PCDHGB1: variants seen among roughly 807,000 people sequenced by gnomAD.
The protein encoded by PCDHGB1 is protocadherin gamma subfamily B, 1, also known as protocadherin gamma-B1.
PCDHGB1 carries 34 observed loss-of-function variants against 56.6 expected under a neutral mutation model. The ratio of observed to expected loss-of-function variants is 0.60; its 90% confidence interval spans 0.46 to 0.80. The LOEUF (loss-of-function observed/expected upper bound fraction) is 0.80, where lower values mean the gene tolerates loss of function less well. Among genes scored for constraint, PCDHGB1 ranks in the 30% least tolerant of loss-of-function variants. The pLI, the probability that PCDHGB1 is intolerant of heterozygous loss-of-function variation, is 0.00. For synonymous variants in PCDHGB1, 561 were observed against 505.9 expected (o/e 1.11, Z -1.46); for missense variants, 1,278 against 1,204.6 (o/e 1.06, Z -0.90).
In PCDHGB1 at chr5:141,358,705, T is replaced by G. The variant is rs1488678526; in HGVS notation, c.2409+6036T>G. On this transcript the variant is annotated intron_variant, in intron 1 of 3. Transcript: ENST00000523390. Reference sequence around the variant, plus strand: ...TATCATGACATCACTATTGAGACTTTCTTGATTTCCAAGGAAAATATAAGT... The same window carrying G: ...TATCATGACATCACTATTGAGACTTGCTTGATTTCCAAGGAAAATATAAGT... Among the ~76,000 whole-genome samples, 3 of 152,360 alleles carry G rather than the reference T, an allele frequency of 2.0e-5. No individual in the cohort carries two copies. In the East Asian group the frequency reaches 5.8e-4, roughly 29 times the overall value.
intron 1 of PCDHGB1, chr5:141,419,779 GCGCCTGCTAGT>G: frequency 6.2e-7 from 1 of 1,614,064 alleles, no homozygotes; most frequent in Non-Finnish European, 8.5e-7. Flanking sequence ...CGGTCCGCCA[GCGCCTGCTAGT>G]CGCTGTAAGA....
intron 1 of PCDHGB1, chr5:141,478,541 G>T (rs905837179): frequency 1.2e-6 from 2 of 1,605,590 alleles, no homozygotes; most frequent in Non-Finnish European, 1.7e-6. Flanking sequence ...CGCCCCTCCC[G>T]GACAGGTAAG....
chr5:141,408,743 A>G (rs764671808), intron 1 of PCDHGB1: 13 of 1,610,030 alleles, frequency 8.1e-6, no homozygotes, highest in African/African-American at 2.7e-5. Flanking sequence ...TTTTTCATTA[A>G]TGGTTAGAGT....
rs568542355 is a variant in PCDHGB1, at chr5:141,431,678, T to C, written c.2410-63129T>C. 4 of 1,614,084 alleles carry C rather than the reference T, an allele frequency of 2.5e-6. No individual in the cohort carries two copies. Among genetic ancestry groups the C allele is most frequent in the African/African-American group, 2.7e-5 (2 of 75,012 alleles). ...AGGGACAATATCAACAATAGGGGAG[T>C]TGGACCACGAGGAGTCAGGATTCTA... On this transcript the variant is annotated intron_variant, in intron 1 of 3. Transcript: ENST00000523390. The surrounding 1 kb of genome is among the most constrained non-coding windows in gnomAD (Gnocchi z 4.8).
At chr5:141,357,413 C>T (rs374712311) in intron 1 of PCDHGB1, 2 of 1,614,250 alleles carry the variant, frequency 1.2e-6, no homozygotes, top group East Asian at 2.2e-5. Context: ...GTGCCTGCCT[C>T]GCACTTTGTG....
Position 141,375,274 on chromosome 5 carries a change from A to C in PCDHGB1, c.2409+22605A>C, listed in dbSNP as rs773661979. On this transcript the variant is annotated intron_variant, in intron 1 of 3. Transcript: ENST00000523390. ...GTCTCCCATTTGAATTGGAAAAATC[A>C]GTTGGCAATTATTATCGATTAGTGA... 9 of 1,613,898 alleles carry C rather than the reference A, an allele frequency of 5.6e-6. No individual in the cohort carries two copies. In the East Asian group the frequency reaches 2.0e-4, roughly 36 times the overall value.
rs546656566 is a variant in PCDHGB1, at chr5:141,389,499, G to C, written c.2409+36830G>C. 10 of 1,613,058 alleles carry C rather than the reference G, an allele frequency of 6.2e-6. No homozygotes were observed. The African/African-American group carries it at 1.1e-4, about 17-fold the overall frequency. On this transcript the variant is annotated intron_variant, in intron 1 of 3. Coordinates refer to ENST00000523390, the MANE Select transcript of PCDHGB1 (RefSeq NM_018922.3). ...GCAGGCCCGCGACCAGGGCTCGCCA[G>C]CGCTCAGCGCGAACGTGAGCCTGCG... is the stretch of plus-strand genomic sequence containing the variant.
chr5:141,404,764 C>A lies in PCDHGB1; in HGVS notation c.2409+52095C>A, dbSNP rs371618979. 152 of 1,613,920 alleles carry A rather than the reference C, an allele frequency of 9.4e-5. 1 individual carries two copies. In the African/African-American group the frequency reaches 1.6e-3, roughly 17 times the overall value. ...GAGACTCAGGCCAGAATGCTTGGCT[C>A]TCCTACCGCCTATTCAAGGCCAGTG... On this transcript the variant is annotated intron_variant, in intron 1 of 3. Coordinates refer to ENST00000523390, the MANE Select transcript of PCDHGB1 (RefSeq NM_018922.3).
chr5:141,487,533 T>C lies in PCDHGB1; in HGVS notation c.2410-7274T>C. On this transcript the variant is annotated intron_variant, in intron 1 of 3. Coordinates refer to ENST00000523390, the MANE Select transcript of PCDHGB1 (RefSeq NM_018922.3). This position sits in a 1 kb window ranked among gnomAD's most constrained non-coding sequence, Gnocchi z 5.0. The stretch of plus-strand genomic sequence containing the variant: ...CCCACTCGGAGTGATAGCTTCATGA[T>C]GGTGAAGTCACCCAGTGCACCTATG... 6.2e-7 allele frequency: 1 copy of C among 1,614,186 alleles called. No individual in the cohort carries two copies. Among genetic ancestry groups the C allele is most frequent in the South Asian group, 1.1e-5 (1 of 91,080 alleles).
At position 141,489,577 on chromosome 5, in the gene PCDHGB1, C is replaced by A. The variant is rs918238376; in HGVS notation, c.2410-5230C>A. The stretch of plus-strand genomic sequence containing the variant: ...GCCAGTGCAGGTGGTGACTGAACAC[C>A]CCCTGGAGCTAATCCGTGTAGAGGT... On this transcript the variant is annotated intron_variant, in intron 1 of 3. Coordinates refer to ENST00000523390, the MANE Select transcript of PCDHGB1 (RefSeq NM_018922.3). This position sits in a 1 kb window ranked among gnomAD's most constrained non-coding sequence, Gnocchi z 4.5. The A allele has an allele frequency of 6.2e-7, 1 of 1,613,894 alleles. No individual in the cohort carries two copies. The highest frequency in any genetic ancestry group is 8.5e-7 in the Non-Finnish European group (1 of 1,180,000).
chr5:141,414,378 C>T lies in PCDHGB1; in HGVS notation c.2409+61709C>T, dbSNP rs958748519. ...ATCTACCATTTAAATTAGAAAAGTC[C>T]ATTGACAGTTATTACAGATTGGTGA... On this transcript the variant is annotated intron_variant, in intron 1 of 3. Coordinates refer to ENST00000523390, the MANE Select transcript of PCDHGB1 (RefSeq NM_018922.3). 3.1e-6 allele frequency: 5 copies of T among 1,613,736 alleles called. No individual in the cohort carries two copies. In the African/African-American group the frequency reaches 5.3e-5, roughly 17 times the overall value.
chr5:141,496,081 C>A (rs976166091), intron 2 of PCDHGB1, among the ~76,000 whole-genome samples: 1 of 152,060 alleles, frequency 6.6e-6, no homozygotes, highest in Non-Finnish European at 1.5e-5. Flanking sequence ...CACAACCCCC[C>A]ACCCACCACC....
Position 141,431,601 on chromosome 5 carries a change from T to G in PCDHGB1, c.2410-63206T>G. 1 of 1,614,202 alleles carries G rather than the reference T, an allele frequency of 6.2e-7. No homozygotes were observed. Among genetic ancestry groups the G allele is most frequent in the Non-Finnish European group, 8.5e-7 (1 of 1,180,032 alleles). On this transcript the variant is annotated intron_variant, in intron 1 of 3. Transcript: ENST00000523390. The surrounding 1 kb of genome is among the most constrained non-coding windows in gnomAD (Gnocchi z 4.8). Reference sequence around the variant, plus strand: ...GTCAATGCGGAAGTGAGGTATTCCTTCCGGTATGTGGACGACAAGGCGGCC... The same window carrying G: ...GTCAATGCGGAAGTGAGGTATTCCTGCCGGTATGTGGACGACAAGGCGGCC...
In PCDHGB1 at chr5:141,431,059, C is replaced by G. The variant is rs367774626; in HGVS notation, c.2410-63748C>G. ...GGGAGGAGCTCTGTATGGGGGCCAT[C>G]AAGTGTCAATTAAATCTAGACATTC... On this transcript the variant is annotated intron_variant, in intron 1 of 3. Coordinates refer to ENST00000523390, the MANE Select transcript of PCDHGB1 (RefSeq NM_018922.3). This position sits in a 1 kb window ranked among gnomAD's most constrained non-coding sequence, Gnocchi z 4.8. 1 of 1,614,136 alleles carries G rather than the reference C, an allele frequency of 6.2e-7. No individual in the cohort carries two copies.
rs1231591874 is a variant in PCDHGB1 at position 141,431,615 on chromosome 5, G to T, written c.2410-63192G>T. The T allele has an allele frequency of 3.1e-6, 5 of 1,614,118 alleles. No homozygotes were observed. Among genetic ancestry groups the T allele is most frequent in the African/African-American group, 2.7e-5 (2 of 74,950 alleles). On this transcript the variant is annotated intron_variant, in intron 1 of 3. Transcript: ENST00000523390. The surrounding 1 kb of genome is among the most constrained non-coding windows in gnomAD (Gnocchi z 4.8). Reference sequence around the variant, plus strand: ...GAGGTATTCCTTCCGGTATGTGGACGACAAGGCGGCCCAAGTTTTCAAACT... The same window carrying T: ...GAGGTATTCCTTCCGGTATGTGGACTACAAGGCGGCCCAAGTTTTCAAACT...
At chr5:141,404,233 AG>A (rs2094501302) in intron 1 of PCDHGB1, 1 of 1,613,628 alleles carries the variant, frequency 6.2e-7, no homozygotes, top group African/African-American at 1.3e-5. Flanking sequence ...CAACAGACAG[AG>A]GAACTCCGCC....
At chr5:141,398,993 G>A (rs1438560245) in intron 1 of PCDHGB1, 2 of 1,613,944 alleles carry the variant, frequency 1.2e-6, no homozygotes, top group Admixed American at 1.7e-5. Flanking sequence ...CAAATCTTTA[G>A]TCTGAATTCA....
At chr5:141,507,831 T>C (rs2099864030) in intron 3 of PCDHGB1, among the ~76,000 whole-genome samples, 1 of 152,134 alleles carries the variant, frequency 6.6e-6, no homozygotes, top group African/African-American at 2.4e-5. Context: ...GTGGAGGTGG[T>C]GGGTCAGGCC....
At chr5:141,366,059 C>A (rs772139031) in intron 1 of PCDHGB1, 2 of 1,614,268 alleles carry the variant, frequency 1.2e-6, no homozygotes, top group Admixed American at 1.7e-5. Flanking sequence ...GGGCGTGGAG[C>A]TGGCGCCTCG....
Sources: gnomAD v4.1 joint callset for allele counts (sites outside exome capture counted in the v4.1 genomes callset) on GRCh38, gnomAD v4.1.1 for gene constraint, Gnocchi (gnomAD v3.1) non-coding constraint, MANE v1.5 for transcripts, NCBI Gene and HGNC (gene_info 2026-07-23, HGNC 2026-07-21) for gene names.